Variants in DOCK3 observed in about 807,000 individuals in gnomAD.
DOCK3 encodes the protein dedicator of cytokinesis 3.
In DOCK3, 60 loss-of-function variants were observed where a neutral mutation model predicts 265.6. The observed-to-expected ratio is 0.23, with a 90% CI of 0.18 to 0.28. DOCK3 has a LOEUF of 0.28. Ranked by LOEUF, DOCK3 falls within the 10% of genes least tolerant of loss-of-function variation. The pLI is 1.00. For synonymous variants in DOCK3, 881 were observed against 938.0 expected, an observed-to-expected ratio of 0.94 and a Z score of 1.11; for missense variants, 1,981 against 2,594.3, an observed-to-expected ratio of 0.76 and a Z score of 5.14.
chr3:51,060,176 C>T (rs2081360118), intron 5 of DOCK3, among the ~76,000 whole-genome samples: 1 of 68,928 alleles, frequency 1.5e-5, no homozygotes, highest in Non-Finnish European at 2.7e-5. Flanking sequence ...AATAAGACAT[C>T]TATTGCATAT....
At chr3:51,339,696 G>A (rs939505162) in intron 37 of DOCK3, among the ~76,000 whole-genome samples, 1 of 152,144 alleles carries the variant, frequency 6.6e-6, no homozygotes, top group Non-Finnish European at 1.5e-5. Context: ...ACGCTGAATC[G>A]GGGTTACGTG....
At chr3:51,075,055 T>C (rs549468158) in intron 6 of DOCK3, among the ~76,000 whole-genome samples, 4 of 152,136 alleles carry the variant, frequency 2.6e-5, no homozygotes, top group Non-Finnish European at 5.9e-5. Context: ...GACTTTTTAA[T>C]GATGTAAAGA....
chr3:50,829,162 T>C (rs187900371), intron 2 of DOCK3, among the ~76,000 whole-genome samples: 18 of 152,336 alleles, frequency 1.2e-4, no homozygotes, highest in Middle Eastern at 3.4e-3. Flanking sequence ...AGTTTCTGCT[T>C]ATATGAATCT....
intron 1 of DOCK3, among the ~76,000 whole-genome samples, chr3:50,734,768 A>G (rs2038471481): frequency 6.6e-6 from 1 of 151,818 alleles, no homozygotes; most frequent in African/African-American, 2.4e-5. Flanking sequence ...ATGTCTGGCT[A>G]ATTTTTTTGT....
chr3:51,261,738 C>A (rs1437710531), intron 23 of DOCK3, among the ~76,000 whole-genome samples: 2 of 152,138 alleles, frequency 1.3e-5, no homozygotes. Flanking sequence ...GAGGAGCATC[C>A]ACCATTACAG....
chr3:50,683,386 G>A (rs1314824042), intron 1 of DOCK3, among the ~76,000 whole-genome samples: 1 of 152,188 alleles, frequency 6.6e-6, no homozygotes, highest in Non-Finnish European at 1.5e-5. Context: ...TTACGCAATT[G>A]ATAAGCCTGT....
At chr3:51,091,682 C>CAAAAA (rs36008191) in intron 9 of DOCK3, among the ~76,000 whole-genome samples, 1 of 102,166 alleles carries the variant, frequency 9.8e-6, no homozygotes, top group African/African-American at 3.9e-5. Context: ...GACTTGGTCT[C>CAAAAA]AAAAAAAAAA....
At chr3:51,265,970 C>A (rs2108817343) in intron 23 of DOCK3, among the ~76,000 whole-genome samples, 1 of 152,300 alleles carries the variant, frequency 6.6e-6, no homozygotes, top group South Asian at 2.1e-4. Context: ...CCCCAAATCT[C>A]CTTAAGCTGA....
chr3:51,093,397 A>T (rs956204748), intron 9 of DOCK3, among the ~76,000 whole-genome samples: 1 of 152,128 alleles, frequency 6.6e-6, no homozygotes, highest in African/African-American at 2.4e-5. Flanking sequence ...GGTCCTTCAC[A>T]TCCCTTGTAA....
Position 51,227,469 on chromosome 3 carries a change from A to G in DOCK3, c.1540+24A>G, listed in dbSNP as rs753104495. On this transcript the variant is annotated intron_variant, in intron 16 of 52. Coordinates refer to ENST00000266037, the MANE Select transcript of DOCK3 (RefSeq NM_004947.5). Reference sequence around the variant, plus strand: ...CAGTGAGTTAGACTTCCCCCCCTCCACATTCCCTTGAGAATATAAATATAA... The same window carrying G: ...CAGTGAGTTAGACTTCCCCCCCTCCGCATTCCCTTGAGAATATAAATATAA... The G allele has an allele frequency of 2.7e-5, 43 of 1,613,108 alleles. No individual in the cohort carries two copies. The African/African-American group carries it at 5.1e-4, about 19-fold the overall frequency.
At chr3:51,203,862 G>C (rs532337598) in intron 12 of DOCK3, among the ~76,000 whole-genome samples, 3 of 152,020 alleles carry the variant, frequency 2.0e-5, no homozygotes, top group African/African-American at 4.8e-5. Flanking sequence ...ATAACTCCGC[G>C]TATCTACAAC....
intron 23 of DOCK3, among the ~76,000 whole-genome samples, chr3:51,264,745 T>A (rs1194028522): frequency 6.6e-6 from 1 of 151,930 alleles, no homozygotes; most frequent in Non-Finnish European, 1.5e-5. Flanking sequence ...GAGAATGGCC[T>A]GAACCTGGGA....
chr3:51,144,083 C>T lies in DOCK3; in HGVS notation c.747-2466C>T, dbSNP rs1366523517. ...AGTTTTTTTCATATGGATTGTTCAG[C>T]ACCATTTGCTGAACGTACTATACAC... On this transcript the variant is annotated intron_variant, in intron 9 of 52. Transcript: ENST00000266037. Among the ~76,000 whole-genome samples the T allele has an allele frequency of 2.6e-5, 4 of 152,092 alleles. No homozygotes were observed. The East Asian group carries it at 7.7e-4, about 29-fold the overall frequency.
intron 3 of DOCK3, among the ~76,000 whole-genome samples, chr3:50,860,711 G>A (rs958131575): frequency 2.0e-5 from 3 of 152,188 alleles, no homozygotes; most frequent in Admixed American, 6.5e-5. Context: ...TGGCCAAGTC[G>A]CCCAAACAGC....
intron 14 of DOCK3, among the ~76,000 whole-genome samples, chr3:51,214,991 G>C (rs1037709900): frequency 1.3e-5 from 2 of 152,206 alleles, no homozygotes; most frequent in African/African-American, 4.8e-5. Flanking sequence ...GCATGGTTCA[G>C]ATGGATGTTA....
intron 27 of DOCK3, among the ~76,000 whole-genome samples, chr3:51,280,499 T>G (rs571451955): frequency 1.8e-4 from 27 of 152,310 alleles, no homozygotes; most frequent in African/African-American, 5.8e-4. Flanking sequence ...CAACCAGGAC[T>G]CCTTCCTTTC....
chr3:50,949,479 C>T (rs1372049540), intron 5 of DOCK3, among the ~76,000 whole-genome samples: 2 of 152,080 alleles, frequency 1.3e-5, no homozygotes, highest in African/African-American at 2.4e-5. Context: ...AGTCTTTACC[C>T]ATGTTTAGGA....
chr3:50,876,945 T>C (rs2047730495), intron 3 of DOCK3: 1 of 153,958 alleles, frequency 6.5e-6, no homozygotes, highest in African/African-American at 2.4e-5. Context: ...ATTATGAGAT[T>C]TTTTGCAATT....
chr3:50,813,296 C>T (rs1253076573), intron 2 of DOCK3, among the ~76,000 whole-genome samples: 1 of 152,152 alleles, frequency 6.6e-6, no homozygotes, highest in Non-Finnish European at 1.5e-5. Flanking sequence ...CACTTTGGCA[C>T]ACTGAGGCGA....
Sources: gnomAD v4.1 joint callset for allele counts (sites outside exome capture counted in the v4.1 genomes callset) on GRCh38, gnomAD v4.1.1 for gene constraint, MANE v1.5 for transcripts, NCBI Gene and HGNC (gene_info 2026-07-23, HGNC 2026-07-21) for gene names.